The following MTUS2 variants were observed in gnomAD, a reference collection of about 807,000 sequenced individuals.
MTUS2 encodes the protein microtubule associated scaffold protein 2.
A neutral mutation model predicts 114.1 loss-of-function variants in MTUS2; 40 were observed. The observed-to-expected ratio is 0.35, with a 90% CI of 0.27 to 0.46. MTUS2 has a LOEUF of 0.46. Ranked by LOEUF, MTUS2 falls within the 20% of genes least tolerant of loss-of-function variation. The pLI is 1.00. For missense variants in MTUS2, 1,679 were observed against 1,705.4 expected, an observed-to-expected ratio of 0.98 and a Z score of 0.27; for synonymous variants, 688 against 672.0, an observed-to-expected ratio of 1.02 and a Z score of -0.37.
chr13:28,888,230 T>A (rs997938705), intron 2 of MTUS2, among the ~76,000 whole-genome samples: 23 of 152,276 alleles, frequency 1.5e-4, no homozygotes, highest in African/African-American at 5.5e-4. Flanking sequence ...GGGCTTTGCA[T>A]GATATTTGGG....
chr13:29,311,275 G>A (rs1199127656), intron 6 of MTUS2, among the ~76,000 whole-genome samples: 3 of 152,202 alleles, frequency 2.0e-5, no homozygotes, highest in African/African-American at 7.2e-5. Context: ...GAAAGGCGGG[G>A]TTGAGACCTG....
In MTUS2 at chr13:29,013,607, C is replaced by T. The variant is rs114242160; in HGVS notation, c.-242-10850C>T. On this transcript the variant is annotated intron_variant, in intron 2 of 15. Coordinates refer to ENST00000612955, the MANE Select transcript of MTUS2 (RefSeq NM_001033602.4). ...GTGGCTTCTTTTCTTTAAGACTTCA[C>T]CACCGGGCAATAACAAGGAACTAAA... 6.7e-3 allele frequency among the ~76,000 whole-genome samples: 1,018 copies of T among 152,262 alleles called. 11 individuals are homozygous for T. Among genetic ancestry groups the T allele is most frequent in the African/African-American group, 0.023 (975 of 41,544 alleles).
intron 3 of MTUS2, among the ~76,000 whole-genome samples, chr13:29,029,788 C>G (rs1886731086): frequency 6.6e-6 from 1 of 152,082 alleles, no homozygotes; most frequent in South Asian, 2.1e-4. Flanking sequence ...GAGGAGGTGC[C>G]AGGCCTCTCT....
intron 5 of MTUS2, among the ~76,000 whole-genome samples, chr13:29,281,402 C>CATGT (rs931406993): frequency 1.4e-5 from 2 of 146,134 alleles, no homozygotes; most frequent in Non-Finnish European, 1.5e-5. Context: ...TGTGTGTGTG[C>CATGT]ATGTATGTAT....
rs77556434 is a variant in MTUS2, at chr13:29,496,127, T to C, written c.3580-1111T>C. ...TCCCAGCCTGTGGTCCTGAGAGTCATGGCCAGAGCTGAGTGGGGCAGGGTC... is the reference window on the plus strand; with the variant it reads ...TCCCAGCCTGTGGTCCTGAGAGTCACGGCCAGAGCTGAGTGGGGCAGGGTC... On this transcript the variant is annotated intron_variant, in intron 12 of 15. Transcript: ENST00000612955. The surrounding 1 kb of genome is among the most constrained non-coding windows in gnomAD (Gnocchi z 4.3). Among the ~76,000 whole-genome samples, 2,273 of 152,266 alleles carry C rather than the reference T, an allele frequency of 0.015. 54 individuals are homozygous for C. The highest frequency in any genetic ancestry group is 0.051 in the African/African-American group (2,128 of 41,534).
rs750014119 is a variant in MTUS2, at chr13:29,428,883, G to T, written c.3118-11100G>T. 6.8e-6 allele frequency: 11 copies of T among 1,614,068 alleles called. No homozygotes were observed. In the South Asian group the frequency reaches 8.8e-5, roughly 13 times the overall value. Reference sequence around the variant, plus strand: ...TGCAAGCCTTATAACTGCCTTCAGTGCCTGGACAAGACGGTACTTTGCCTT... The same window carrying T: ...TGCAAGCCTTATAACTGCCTTCAGTTCCTGGACAAGACGGTACTTTGCCTT... On this transcript the variant is annotated intron_variant, in intron 8 of 15. Transcript: ENST00000612955.
At chr13:29,386,198 A>G (rs1392903672) in intron 8 of MTUS2, among the ~76,000 whole-genome samples, 1 of 152,242 alleles carries the variant, frequency 6.6e-6, no homozygotes, top group Non-Finnish European at 1.5e-5. Context: ...ACACTTGTTA[A>G]AACTAAGGTA....
At chr13:29,389,665 ATG>A (rs1225428685) in intron 8 of MTUS2, among the ~76,000 whole-genome samples, 3 of 145,466 alleles carry the variant, frequency 2.1e-5, no homozygotes, top group African/African-American at 7.8e-5. Flanking sequence ...ATATATGTAT[ATG>A]TATATATACA....
At position 29,192,583 on chromosome 13, in the gene MTUS2, A is replaced by G. The variant is rs188084977; in HGVS notation, c.2645-89121A>G. Among the ~76,000 whole-genome samples the G allele has an allele frequency of 8.5e-5, 13 of 152,336 alleles. No individual in the cohort carries two copies. The East Asian group carries it at 2.3e-3, about 27-fold the overall frequency. ...CACAAAGAAATGATAAATGTTTGAGATGATATATATGCTAATTACCCTAAT... is the reference window on the plus strand; with the variant it reads ...CACAAAGAAATGATAAATGTTTGAGGTGATATATATGCTAATTACCCTAAT... On this transcript the variant is annotated intron_variant, in intron 5 of 15. Transcript: ENST00000612955.
Position 29,505,542 on chromosome 13 carries a change from G to A in MTUS2, c.*2336G>A, listed in dbSNP as rs552094213. The A allele has an allele frequency of 2.6e-5, 6 of 230,590 alleles. No homozygotes were observed. Among genetic ancestry groups the A allele is most frequent in the Non-Finnish European group, 5.2e-5 (6 of 116,478 alleles). 14.3% of individuals were successfully genotyped at this position (230,590 alleles called of 1,614,324 possible). A position where few individuals can be genotyped will look rare whatever the true frequency, so the allele number is the denominator to read the frequency against. On this transcript the variant is annotated 3_prime_UTR_variant, in exon 16 of 16. Coordinates refer to ENST00000612955, the MANE Select transcript of MTUS2 (RefSeq NM_001033602.4). ...TCACCGCTCCCGAAACACATGGGGC[G>A]GCAGCTGCTGTGCCTCCTTCTCAAT...
chr13:29,309,853 A>G (rs963876675), intron 6 of MTUS2, among the ~76,000 whole-genome samples: 3 of 152,252 alleles, frequency 2.0e-5, no homozygotes, highest in South Asian at 2.1e-4. Flanking sequence ...ACAATGTGCA[A>G]TGGTCACATC....
intron 8 of MTUS2, among the ~76,000 whole-genome samples, chr13:29,390,367 A>G (rs1466379464): frequency 6.6e-6 from 1 of 151,974 alleles, no homozygotes; most frequent in Non-Finnish European, 1.5e-5. Context: ...GTTTGAAAAT[A>G]ATGTGGCCGG....
At chr13:29,349,757 C>T (rs1869064915) in intron 7 of MTUS2, among the ~76,000 whole-genome samples, 1 of 152,046 alleles carries the variant, frequency 6.6e-6, no homozygotes, top group Non-Finnish European at 1.5e-5. Context: ...GGTCTTTGTA[C>T]ATAATGTGTC....
At chr13:29,223,624 G>T (rs1017995626) in intron 5 of MTUS2, among the ~76,000 whole-genome samples, 1 of 152,212 alleles carries the variant, frequency 6.6e-6, no homozygotes, top group African/African-American at 2.4e-5. Flanking sequence ...CTCTCCATGA[G>T]CCTCATTCTT....
intron 2 of MTUS2, among the ~76,000 whole-genome samples, chr13:28,935,418 T>C (rs1881852111): frequency 1.3e-5 from 2 of 152,156 alleles, no homozygotes; most frequent in Non-Finnish European, 2.9e-5. Flanking sequence ...TACACTACTG[T>C]GAGCAGTGTT....
rs1278167976 is a variant in MTUS2, at chr13:29,496,524, G to A, written c.3580-714G>A. 1.3e-5 allele frequency: 2 copies of A among 153,066 alleles called. No homozygotes were observed. Among genetic ancestry groups the A allele is most frequent in the Admixed American group, 6.5e-5 (1 of 15,278 alleles). The allele number at this position is 153,066 out of a possible 1,614,324, so 9.5% of individuals were successfully genotyped here. The stretch of plus-strand genomic sequence containing the variant: ...CGGGGCTGGGAGGATGCTGTGTTAG[G>A]GAGTGTGCACTGCACCTTGAGGGCA... On this transcript the variant is annotated intron_variant, in intron 12 of 15. Coordinates refer to ENST00000612955, the MANE Select transcript of MTUS2 (RefSeq NM_001033602.4). This position sits in a 1 kb window ranked among gnomAD's most constrained non-coding sequence, Gnocchi z 4.3.
chr13:29,333,172 G>T (rs1451533381), intron 7 of MTUS2, among the ~76,000 whole-genome samples: 1 of 152,054 alleles, frequency 6.6e-6, no homozygotes, highest in Admixed American at 6.6e-5. Flanking sequence ...TTCTGTAGTT[G>T]TGCAGTTTTG....
intron 4 of MTUS2, among the ~76,000 whole-genome samples, chr13:29,055,557 C>T (rs1042600015): frequency 6.6e-6 from 1 of 152,076 alleles, no homozygotes. Context: ...CGTCTGTTCT[C>T]TTCTTTGTTT....
At chr13:29,058,680 A>G (rs1888262707) in intron 4 of MTUS2, among the ~76,000 whole-genome samples, 2 of 150,386 alleles carry the variant, frequency 1.3e-5, no homozygotes, top group South Asian at 2.1e-4. Flanking sequence ...GTCATTTAAC[A>G]TTAGGTATAT....
Sources: gnomAD v4.1 joint callset for allele counts (sites outside exome capture counted in the v4.1 genomes callset) on GRCh38, gnomAD v4.1.1 for gene constraint, Gnocchi (gnomAD v3.1) non-coding constraint, MANE v1.5 for transcripts, NCBI Gene and HGNC (gene_info 2026-07-23, HGNC 2026-07-21) for gene names.